RPGRIP1L: variants seen among roughly 807,000 people sequenced by gnomAD.
The protein encoded by RPGRIP1L is RPGRIP1 like.
A neutral mutation model predicts 160.4 loss-of-function variants in RPGRIP1L; 131 were observed. The ratio of observed to expected loss-of-function variants is 0.82; its 90% CI spans 0.71 to 0.94. RPGRIP1L has a LOEUF of 0.94. Ranked by LOEUF, RPGRIP1L falls within the 40% of genes least tolerant of loss-of-function variation. RPGRIP1L has a pLI of 0.00. For synonymous variants in RPGRIP1L, 510 were observed against 515.8 expected (o/e 0.99, Z 0.15); for missense variants, 1,522 against 1,535.8 (o/e 0.99, Z 0.15).
chr16:53,687,918 A>T lies in RPGRIP1L; in HGVS notation c.577T>A (p.Phe193Ile). 6.2e-7 allele frequency: 1 copy of T among 1,612,018 alleles called. No homozygotes were observed. Among genetic ancestry groups the T allele is most frequent in the African/African-American group, 1.3e-5 (1 of 75,008 alleles). Reference sequence around the variant, plus strand: ...AGTAAACTGTTGCCATATTTTGTAAACATGGGATGTGGAGTTTCTGCTACA... The same window carrying T: ...AGTAAACTGTTGCCATATTTTGTAATCATGGGATGTGGAGTTTCTGCTACA... ...ADVAETPHPMFTKYGNSLLEE... is the reference protein window; with the variant it reads ...ADVAETPHPMITKYGNSLLEE... Residue 193 changes from phenylalanine (F) to isoleucine (I), a missense_variant, in exon 5 of 27, where the codon TTT (phenylalanine) becomes ATT (isoleucine). Phe to Ile is a conservative substitution (Grantham distance 21). Transcript: ENST00000647211.
chr16:53,611,482 T>C (rs2241179), intron 24 of RPGRIP1L, among the ~76,000 whole-genome samples: 73,646 of 152,190 alleles, frequency 0.48, 21,773 homozygotes, highest in African/African-American at 0.83. Flanking sequence ...ATCCTTCTCT[T>C]CTGCCACAAC....
chr16:53,669,620 T>A (rs992475777), intron 9 of RPGRIP1L, among the ~76,000 whole-genome samples: 1 of 152,128 alleles, frequency 6.6e-6, no homozygotes, highest in Admixed American at 6.5e-5. Flanking sequence ...TCCAAGTAAG[T>A]ATGTTCAGCA....
chr16:53,696,129 G>A, intron 3 of RPGRIP1L, 22 bp downstream of exon 3: 1 of 1,611,812 alleles, frequency 6.2e-7, no homozygotes, highest in African/African-American at 1.3e-5. Flanking sequence ...AAGAAAAAAA[G>A]CTAAAAGCTT....
At chr16:53,651,771 G>C (rs1198019466) in intron 15 of RPGRIP1L, among the ~76,000 whole-genome samples, 1 of 151,992 alleles carries the variant, frequency 6.6e-6, no homozygotes, top group African/African-American at 2.4e-5. Context: ...AAGCTACAGG[G>C]GGTAGTTTTG....
At chr16:53,613,780 A>G (rs1354581439) in intron 24 of RPGRIP1L, among the ~76,000 whole-genome samples, 2 of 152,180 alleles carry the variant, frequency 1.3e-5, no homozygotes, top group African/African-American at 2.4e-5. Context: ...TTTACTGGGT[A>G]CTATTTATGT....
At chr16:53,689,062 CTATA>C (rs149697924) in intron 4 of RPGRIP1L, among the ~76,000 whole-genome samples, 2 of 146,628 alleles carry the variant, frequency 1.4e-5, no homozygotes, top group African/African-American at 5.0e-5. Flanking sequence ...TTGCCAATGG[CTATA>C]TATATATATA....
At chr16:53,660,191 TCA>T in intron 10 of RPGRIP1L, among the ~76,000 whole-genome samples, 1 of 152,348 alleles carries the variant, frequency 6.6e-6, no homozygotes, top group East Asian at 1.9e-4. Flanking sequence ...GAGCTCACTG[TCA>T]CACTCAGGTA....
At chr16:53,684,870 A>G (rs1434805790) in intron 6 of RPGRIP1L, among the ~76,000 whole-genome samples, 1 of 152,198 alleles carries the variant, frequency 6.6e-6, no homozygotes, top group Non-Finnish European at 1.5e-5. Context: ...ATGGGATCTA[A>G]TTAAACTAAA....
intron 24 of RPGRIP1L, among the ~76,000 whole-genome samples, chr16:53,616,924 T>C (rs1464404241): frequency 2.0e-5 from 3 of 151,390 alleles, no homozygotes; most frequent in Admixed American, 6.6e-5. Flanking sequence ...ATACAAAAAT[T>C]AGCTGGGTGT....
chr16:53,658,476 T>G lies in RPGRIP1L; in HGVS notation c.1351-12A>C, dbSNP rs374000859. On this transcript the variant is annotated splice_polypyrimidine_tract_variant and intron_variant, in intron 11 of 26. Coordinates refer to ENST00000647211, the MANE Select transcript of RPGRIP1L (RefSeq NM_015272.5). Reference sequence around the variant, plus strand: ...TTAATATCATTCTCCTGCAATAGATTAAGTAAAAGCTCACAATGAGTTATG... The same window carrying G: ...TTAATATCATTCTCCTGCAATAGATGAAGTAAAAGCTCACAATGAGTTATG... 15 of 1,595,384 alleles carry G rather than the reference T, an allele frequency of 9.4e-6. No individual in the cohort carries two copies. Among genetic ancestry groups the G allele is most frequent in the African/African-American group, 1.3e-5 (1 of 74,550 alleles).
intron 7 of RPGRIP1L, among the ~76,000 whole-genome samples, chr16:53,674,312 T>A (rs752944134): frequency 6.6e-6 from 1 of 152,170 alleles, no homozygotes; most frequent in Non-Finnish European, 1.5e-5. Context: ...TTACTTCACA[T>A]AAATTCTGCT....
intron 13 of RPGRIP1L, 56 bp from the exon 14 acceptor site, chr16:53,656,645 T>G: frequency 8.1e-7 from 1 of 1,240,296 alleles, no homozygotes. Context: ...ATTTTCATTA[T>G]TCAAAGCAAC....
intron 10 of RPGRIP1L, among the ~76,000 whole-genome samples, chr16:53,663,641 A>T (rs1967997204): frequency 6.6e-6 from 1 of 152,076 alleles, no homozygotes; most frequent in African/African-American, 2.4e-5. Flanking sequence ...ATGAAAACTT[A>T]AAAAAATCCA....
In RPGRIP1L at chr16:53,695,325, C is replaced by CT. The variant is rs1457178950; in HGVS notation, c.230+825dup. The CT allele has an allele frequency of 4.3e-6, 3 of 702,488 alleles. No homozygotes were observed. In the South Asian group the frequency reaches 4.4e-5, roughly 10 times the overall value. 43.5% of individuals were successfully genotyped at this position (702,488 alleles called of 1,614,324 possible). Reference sequence around the variant, plus strand: ...TAAAACCCAACTCAAAGTAAAAGGCCTGCACATAGCATGCCAGTGGGTTGT... The same window carrying CT: ...TAAAACCCAACTCAAAGTAAAAGGCCTTGCACATAGCATGCCAGTGGGTTGT... On this transcript the variant is annotated intron_variant, in intron 3 of 26. Transcript: ENST00000647211.
In RPGRIP1L at chr16:53,695,071, G is replaced by C. The variant is rs184158335; in HGVS notation, c.230+1080C>G. 3 of 434,594 alleles carry C rather than the reference G, an allele frequency of 6.9e-6. No homozygotes were observed. The Admixed American group carries it at 1.2e-4, about 17-fold the overall frequency. 26.9% of individuals were successfully genotyped at this position (434,594 alleles called of 1,614,324 possible). ...AGTCCTTTTCCCATTAAACTACATGGCTCATTATTCAGTTGTTTTTTATTT... is the reference window on the plus strand; with the variant it reads ...AGTCCTTTTCCCATTAAACTACATGCCTCATTATTCAGTTGTTTTTTATTT... On this transcript the variant is annotated intron_variant, in intron 3 of 26. Transcript: ENST00000647211.
chr16:53,649,814 C>T (rs573537226), intron 15 of RPGRIP1L, among the ~76,000 whole-genome samples: 2 of 152,200 alleles, frequency 1.3e-5, no homozygotes, highest in South Asian at 2.1e-4. Context: ...TTCTTTGGCC[C>T]GTCTGTTTAC....
chr16:53,624,051 C>A (rs538724301), intron 22 of RPGRIP1L, among the ~76,000 whole-genome samples: 1 of 152,068 alleles, frequency 6.6e-6, no homozygotes, highest in African/African-American at 2.4e-5. Context: ...GCCAACATAC[C>A]CAGATATTTT....
rs1381236516 is a variant in RPGRIP1L, at chr16:53,641,091, CGTT to C, written c.2897_2899del (p.Gln966del). 2 of 1,613,796 alleles carry C rather than the reference CGTT, an allele frequency of 1.2e-6. No individual in the cohort carries two copies. Among genetic ancestry groups the C allele is most frequent in the African/African-American group, 1.3e-5 (1 of 75,020 alleles). On this transcript the variant is annotated inframe_deletion, in exon 19 of 27. Coordinates refer to ENST00000647211, the MANE Select transcript of RPGRIP1L (RefSeq NM_015272.5). The stretch of plus-strand genomic sequence containing the variant: ...TACCTTCTTATCTACAGGTGTTAAA[CGTT>C]GTCTTGGTTTAGGTCTTGGTGCCTA...
intron 21 of RPGRIP1L, 25 bp downstream of exon 21, chr16:53,637,670 A>G (rs1269644419): frequency 1.3e-6 from 2 of 1,594,922 alleles, no homozygotes; most frequent in Non-Finnish European, 1.7e-6. Flanking sequence ...TAACTAAACA[A>G]TGTTAGTTTA....
Sources: allele counts gnomAD v4.1 joint callset (sites outside exome capture counted in the v4.1 genomes callset), GRCh38; gene constraint gnomAD v4.1.1; transcripts MANE v1.5; gene names NCBI Gene and HGNC (gene_info 2026-07-23, HGNC 2026-07-21).